The following FA2H variants were observed in gnomAD, a reference collection of about 807,000 sequenced individuals.
FA2H encodes the protein fatty acid alpha-hydroxylase.
FA2H carries 22 observed loss-of-function variants against 44.9 expected under a neutral mutation model. The observed-to-expected ratio is 0.49, with a 90% CI of 0.35 to 0.70. The LOEUF (loss-of-function observed/expected upper bound fraction) is 0.70, where lower values mean the gene tolerates loss of function less well. Ranked by LOEUF, FA2H falls within the 30% of genes least tolerant of loss-of-function variation. The probability of loss-of-function intolerance (pLI) is 0.01; values close to 1 mark genes in which losing one functional copy is unlikely to be tolerated. For missense variants in FA2H, 501 were observed against 504.9 expected (o/e 0.99, Z 0.07); for synonymous variants, 243 against 213.2 (o/e 1.14, Z -1.22).
intron 1 of FA2H, among the ~76,000 whole-genome samples, chr16:74,745,072 T>C (rs551770064): frequency 1.3e-5 from 2 of 152,268 alleles, no homozygotes; most frequent in Admixed American, 6.5e-5. Flanking sequence ...AACGAGACTG[T>C]CCCAGGGCAA....
At chr16:74,770,386 G>C (rs1962883635) in intron 1 of FA2H, among the ~76,000 whole-genome samples, 1 of 152,162 alleles carries the variant, frequency 6.6e-6, no homozygotes, top group South Asian at 2.1e-4. Context: ...TTGTTTGTTT[G>C]TTTGTTTTTG....
At chr16:74,714,464 A>T (rs1241380200) in intron 6 of FA2H, among the ~76,000 whole-genome samples, 195 bp from the exon 7 acceptor site, 2 of 152,138 alleles carry the variant, frequency 1.3e-5, no homozygotes, top group Non-Finnish European at 2.9e-5. Context: ...CCCCAGCATG[A>T]AGCTGGAATA....
chr16:74,745,274 T>C (rs1293608633), intron 1 of FA2H, among the ~76,000 whole-genome samples: 1 of 152,224 alleles, frequency 6.6e-6, no homozygotes, highest in Non-Finnish European at 1.5e-5. Flanking sequence ...ATAAGCACCG[T>C]GCACTAGAGA....
intron 1 of FA2H, among the ~76,000 whole-genome samples, chr16:74,751,488 A>G (rs372210913): frequency 9.2e-5 from 14 of 151,970 alleles, no homozygotes; most frequent in Non-Finnish European, 4.4e-5. Flanking sequence ...CCTCCATTCT[A>G]TGTGTTACAC....
intron 4 of FA2H, among the ~76,000 whole-genome samples, chr16:74,725,325 G>C (rs1961928544): frequency 6.6e-6 from 1 of 152,216 alleles, no homozygotes; most frequent in Non-Finnish European, 1.5e-5. Context: ...GGGCAGCTCA[G>C]GAAGCTCAGA....
chr16:74,774,540 G>C lies in FA2H; in HGVS notation c.216C>G (p.Asn72Lys). Residue 72 changes from asparagine to lysine, a missense_variant, in exon 1 of 7, where the codon AAC becomes AAG. Coordinates refer to ENST00000219368, the MANE Select transcript of FA2H (RefSeq NM_024306.5). ...LDGPPHRHSA[N>K]ARRWLEQYYV... is the part of the protein sequence containing the mutation. ...AGTACTGCTCCAGCCAGCGGCGCGC[G>C]TTGGCCGAGTGCCTGTGCGGCGGCC... The C allele has an allele frequency of 6.5e-7, 1 of 1,545,234 alleles. No homozygotes were observed. The highest frequency in any genetic ancestry group is 8.7e-7 in the Non-Finnish European group (1 of 1,155,590).
chr16:74,730,947 C>T (rs1317637297), intron 2 of FA2H, among the ~76,000 whole-genome samples: 1 of 152,084 alleles, frequency 6.6e-6, no homozygotes, highest in African/African-American at 2.4e-5. Context: ...GGGAAAGAGC[C>T]ATCTTGGGCC....
intron 2 of FA2H, 40 bp from the exon 3 acceptor site, chr16:74,727,426 T>C (rs778974367): frequency 6.2e-7 from 1 of 1,606,702 alleles, no homozygotes; most frequent in South Asian, 1.1e-5. Flanking sequence ...GATATTCACG[T>C]CTTCCCATAT....
Position 74,741,834 on chromosome 16 carries a change from GTGTA to G in FA2H, c.271-1723_271-1720del, listed in dbSNP as rs1218687870. On this transcript the variant is annotated intron_variant, in intron 1 of 6. Coordinates refer to ENST00000219368, the MANE Select transcript of FA2H (RefSeq NM_024306.5). ...TGTGTGTGTGTGTGTGTGTGTGTGT[GTGTA>G]TGTGTGTGTATGTGTGTATGTGTGT... Among the ~76,000 whole-genome samples the G allele has an allele frequency of 1.7e-4, 13 of 74,628 alleles. No homozygotes were observed. In the East Asian group the frequency reaches 2.7e-3, roughly 16 times the overall value. The allele number at this position is 74,628 out of a possible 152,430, so 49.0% of individuals were successfully genotyped here.
intron 4 of FA2H, among the ~76,000 whole-genome samples, chr16:74,724,731 A>T (rs1307751562): frequency 6.6e-6 from 1 of 152,112 alleles, no homozygotes; most frequent in African/African-American, 2.4e-5. Context: ...CCTTTATAAG[A>T]CAGGCACATT....
At chr16:74,728,233 G>A (rs538966406) in intron 2 of FA2H, among the ~76,000 whole-genome samples, 4 of 152,180 alleles carry the variant, frequency 2.6e-5, no homozygotes, top group African/African-American at 9.7e-5. Flanking sequence ...AGACCAGCCT[G>A]GGCAATAGTT....
At chr16:74,770,017 C>T (rs557786208) in intron 1 of FA2H, among the ~76,000 whole-genome samples, 5 of 152,310 alleles carry the variant, frequency 3.3e-5, no homozygotes, top group South Asian at 2.1e-4. Context: ...GGGGAACAAA[C>T]GGGTCCAGGC....
At chr16:74,773,340 A>T (rs937942332) in intron 1 of FA2H, among the ~76,000 whole-genome samples, 1 of 142,392 alleles carries the variant, frequency 7.0e-6, no homozygotes, top group African/African-American at 2.4e-5. Context: ...TTATAAATTT[A>T]ACTTTATCAT....
At chr16:74,723,675 G>C (rs1207724273) in intron 4 of FA2H, among the ~76,000 whole-genome samples, 1 of 152,126 alleles carries the variant, frequency 6.6e-6, no homozygotes, top group Admixed American at 6.5e-5. Flanking sequence ...TGCTTCCAGA[G>C]AAACCCTGAT....
chr16:74,757,356 G>A (rs1355319787), intron 1 of FA2H, among the ~76,000 whole-genome samples: 1 of 152,224 alleles, frequency 6.6e-6, no homozygotes, highest in Non-Finnish European at 1.5e-5. Flanking sequence ...ATTGGTGAAA[G>A]TGTGGAGAAA....
intron 1 of FA2H, among the ~76,000 whole-genome samples, chr16:74,761,508 C>T (rs1043467397): frequency 1.3e-5 from 2 of 151,904 alleles, no homozygotes; most frequent in African/African-American, 2.4e-5. Context: ...TCACTATATA[C>T]ACTTAAGGTG....
At chr16:74,725,348 A>G (rs1291320135) in intron 4 of FA2H, among the ~76,000 whole-genome samples, 1 of 152,228 alleles carries the variant, frequency 6.6e-6, no homozygotes, top group Non-Finnish European at 1.5e-5. Flanking sequence ...CAGGACAGAC[A>G]GACCACAGGG....
At chr16:74,715,779 T>G (rs1961678930) in intron 6 of FA2H, among the ~76,000 whole-genome samples, 1 of 152,084 alleles carries the variant, frequency 6.6e-6, no homozygotes, top group Non-Finnish European at 1.5e-5. Flanking sequence ...ACCTATGTGA[T>G]ATTCCATCAC....
chr16:74,733,696 CG>C (rs1438637846), intron 2 of FA2H, among the ~76,000 whole-genome samples: 11 of 152,196 alleles, frequency 7.2e-5, no homozygotes, highest in African/African-American at 2.7e-4. Flanking sequence ...CAGACGATGA[CG>C]GCTTGGGATC....
Sources: allele counts gnomAD v4.1 joint callset (sites outside exome capture counted in the v4.1 genomes callset), GRCh38; gene constraint gnomAD v4.1.1; transcripts MANE v1.5; gene names NCBI Gene and HGNC (gene_info 2026-07-23, HGNC 2026-07-21).